The following CLIP1 variants were observed in gnomAD, a reference collection of about 807,000 sequenced individuals.
CLIP1 encodes the protein CAP-Gly domain containing linker protein 1, also known as CAP-Gly domain-containing linker protein 1.
In CLIP1, 66 loss-of-function variants were observed where a neutral mutation model predicts 161.6. The observed-to-expected ratio is 0.41, with a 90% CI of 0.33 to 0.50. The LOEUF (loss-of-function observed/expected upper bound fraction) is 0.50, where lower values mean the gene tolerates loss of function less well. Among genes scored for constraint, CLIP1 ranks in the 20% least tolerant of loss-of-function variants. CLIP1 has a pLI of 0.27. For missense variants in CLIP1, 1,376 were observed against 1,702.0 expected, an observed-to-expected ratio of 0.81 and a Z score of 3.37; for synonymous variants, 598 against 626.2, an observed-to-expected ratio of 0.96 and a Z score of 0.67.
Position 122,377,374 on chromosome 12 carries a change from T to A in CLIP1, c.657+15A>T, listed in dbSNP as rs1341307848. Reference sequence around the variant, plus strand: ...TCAGTTCAATGAAATGACCTCAGAATGTTTCTCTACTCACCAATACTCTGT... The same window carrying A: ...TCAGTTCAATGAAATGACCTCAGAAAGTTTCTCTACTCACCAATACTCTGT... On this transcript the variant is annotated intron_variant, in intron 3 of 25. Transcript: ENST00000620786. The A allele has an allele frequency of 6.3e-7, 1 of 1,598,408 alleles. No individual in the cohort carries two copies. Among genetic ancestry groups the A allele is most frequent in the Non-Finnish European group, 8.5e-7 (1 of 1,170,280 alleles).
At chr12:122,378,487 T>G (rs1186466082) in intron 2 of CLIP1, among the ~76,000 whole-genome samples, 1 of 152,184 alleles carries the variant, frequency 6.6e-6, no homozygotes, top group African/African-American at 2.4e-5. Context: ...CTCCGCAAAC[T>G]GGTAGTTGAG....
At chr12:122,387,559 T>TC (rs1955340384) in intron 1 of CLIP1, among the ~76,000 whole-genome samples, 2 of 9,518 alleles carry the variant, frequency 2.1e-4, no homozygotes, top group Non-Finnish European at 1.0e-3. Flanking sequence ...TATATATATA[T>TC]ATATATATAT....
At chr12:122,382,903 C>G (rs113835216) in intron 1 of CLIP1, among the ~76,000 whole-genome samples, 7 of 152,108 alleles carry the variant, frequency 4.6e-5, no homozygotes, top group African/African-American at 1.4e-4. Context: ...GGAGTCCCTA[C>G]GCTAAGGCCG....
chr12:122,420,116 C>T (rs1435584745), intron 1 of CLIP1, among the ~76,000 whole-genome samples: 5 of 150,702 alleles, frequency 3.3e-5, no homozygotes, highest in Non-Finnish European at 7.4e-5. Context: ...CTGAGGCAGG[C>T]GGATCACCTG....
At chr12:122,334,194 A>C (rs1952110588) in intron 13 of CLIP1, 84 bp from the exon 14 acceptor site, 8 of 808,630 alleles carry the variant, frequency 9.9e-6, no homozygotes, top group Non-Finnish European at 1.7e-5. Flanking sequence ...ACCCAGTCAA[A>C]TATTATGCTC....
intron 5 of CLIP1, among the ~76,000 whole-genome samples, chr12:122,359,229 A>G (rs1953656286): frequency 2.0e-5 from 3 of 152,178 alleles, no homozygotes; most frequent in African/African-American, 7.2e-5. Flanking sequence ...TAGAAACCAT[A>G]AAGACACAAA....
intron 18 of CLIP1, among the ~76,000 whole-genome samples, chr12:122,317,963 C>T (rs1268837381): frequency 1.3e-5 from 2 of 152,210 alleles, no homozygotes; most frequent in African/African-American, 4.8e-5. Context: ...CTCTCATTTA[C>T]TTCAGCTTCT....
intron 13 of CLIP1, 110 bp downstream of exon 13, chr12:122,334,538 G>T: frequency 1.4e-6 from 1 of 735,448 alleles, no homozygotes; most frequent in Non-Finnish European, 2.3e-6. Context: ...ACTTCCAGGA[G>T]AGTGAAATTA....
Position 122,353,792 on chromosome 12 carries a change from G to A in CLIP1, c.1307+661C>T, listed in dbSNP as rs186417310. On this transcript the variant is annotated intron_variant, in intron 7 of 25. Transcript: ENST00000620786. Reference sequence around the variant, plus strand: ...ATTACAGGCGCCCGCCAACAGGCCTGGCTAATTTTTGTATTTTTAGTAGAG... The same window carrying A: ...ATTACAGGCGCCCGCCAACAGGCCTAGCTAATTTTTGTATTTTTAGTAGAG... Among the ~76,000 whole-genome samples the A allele has an allele frequency of 3.8e-3, 573 of 151,796 alleles. 2 individuals carry two copies. Among genetic ancestry groups the A allele is most frequent in the African/African-American group, 0.013 (548 of 41,460 alleles).
In CLIP1 at chr12:122,272,795, G is replaced by T; in HGVS notation, c.*80C>A. The stretch of plus-strand genomic sequence containing the variant: ...AAAAAATAACATGAGTTCTCCTGAA[G>T]TCTGCACACACAATGCTGGTGTTAC... On this transcript the variant is annotated 3_prime_UTR_variant, in exon 26 of 26. Coordinates refer to ENST00000620786, the MANE Select transcript of CLIP1 (RefSeq NM_001247997.2). The T allele has an allele frequency of 8.3e-7, 1 of 1,208,000 alleles. No individual in the cohort carries two copies. The highest frequency in any genetic ancestry group is 1.2e-6 in the Non-Finnish European group (1 of 815,648). The allele number at this position is 1,208,000 out of a possible 1,614,324, so 74.8% of individuals were successfully genotyped here. A position where few individuals can be genotyped will look rare whatever the true frequency, so the allele number is the denominator to read the frequency against.
chr12:122,283,818 C>G (rs570938443), intron 21 of CLIP1, among the ~76,000 whole-genome samples: 14 of 152,228 alleles, frequency 9.2e-5, no homozygotes, highest in African/African-American at 3.1e-4. Flanking sequence ...AATATCATGA[C>G]TATTTGGCCA....
intron 17 of CLIP1, chr12:122,322,329 C>T (rs909520311): frequency 6.6e-6 from 1 of 152,636 alleles, no homozygotes; most frequent in South Asian, 2.1e-4. Flanking sequence ...AGCATCATTT[C>T]GCTCTTCTCA....
intron 19 of CLIP1, among the ~76,000 whole-genome samples, chr12:122,312,597 C>G (rs988980826): frequency 1.3e-5 from 2 of 152,138 alleles, no homozygotes; most frequent in African/African-American, 2.4e-5. Flanking sequence ...AACCCCATCT[C>G]TACTAAAAAT....
Position 122,360,952 on chromosome 12 carries a change from G to A in CLIP1, c.1005+7C>T, listed in dbSNP as rs764899115. 6.2e-7 allele frequency: 1 copy of A among 1,604,860 alleles called. No individual in the cohort carries two copies. Among genetic ancestry groups the A allele is most frequent in the Non-Finnish European group, 8.5e-7 (1 of 1,176,218 alleles). On this transcript the variant is annotated splice_region_variant and intron_variant, in intron 5 of 25. Coordinates refer to ENST00000620786, the MANE Select transcript of CLIP1 (RefSeq NM_001247997.2). The stretch of plus-strand genomic sequence containing the variant: ...AGTGGAGGCAGGTAGTGAGAAAGGG[G>A]CCTTACTAGTCCTGTCCGACTGGGC...
At chr12:122,289,489 A>G (rs973472018) in intron 20 of CLIP1, among the ~76,000 whole-genome samples, 2 of 152,140 alleles carry the variant, frequency 1.3e-5, no homozygotes, top group African/African-American at 4.8e-5. Flanking sequence ...CTTAAACCGC[A>G]GAAGTCAAGT....
At chr12:122,292,494 C>T (rs1361238986) in intron 20 of CLIP1, among the ~76,000 whole-genome samples, 1 of 152,136 alleles carries the variant, frequency 6.6e-6, no homozygotes, top group Admixed American at 6.6e-5. Context: ...CTTTTTGGTA[C>T]ACAAAATATT....
chr12:122,286,754 T>C (rs1355246945), intron 21 of CLIP1, among the ~76,000 whole-genome samples: 1 of 151,012 alleles, frequency 6.6e-6, no homozygotes, highest in African/African-American at 2.4e-5. Flanking sequence ...ATCCCAGCAC[T>C]TTGGGAGGCT....
At chr12:122,383,816 C>G (rs1045892893) in intron 1 of CLIP1, among the ~76,000 whole-genome samples, 1 of 151,534 alleles carries the variant, frequency 6.6e-6, no homozygotes, top group African/African-American at 2.4e-5. Flanking sequence ...CACATTGAAA[C>G]TAATCAATTC....
At chr12:122,410,901 A>G (rs1203879031) in intron 1 of CLIP1, among the ~76,000 whole-genome samples, 1 of 152,226 alleles carries the variant, frequency 6.6e-6, no homozygotes, top group East Asian at 1.9e-4. Flanking sequence ...TCACGATGAG[A>G]TACCACACTG....
Sources: allele counts gnomAD v4.1 joint callset (sites outside exome capture counted in the v4.1 genomes callset), GRCh38; gene constraint gnomAD v4.1.1; transcripts MANE v1.5; gene names NCBI Gene and HGNC (gene_info 2026-07-23, HGNC 2026-07-21).